GPCPD1: variants seen among roughly 807,000 people sequenced by gnomAD.
The protein encoded by GPCPD1 is glycerophosphocholine phosphodiesterase 1, also known as glycerophosphocholine phosphodiesterase GPCPD1.
A neutral mutation model predicts 89.2 loss-of-function variants in GPCPD1; 29 were observed. The ratio of observed to expected loss-of-function variants is 0.33; its 90% CI spans 0.24 to 0.44. GPCPD1 has a LOEUF of 0.44. Among genes scored for constraint, GPCPD1 ranks in the 20% least tolerant of loss-of-function variants. GPCPD1 has a pLI of 1.00. For missense variants in GPCPD1, 594 were observed against 808.9 expected, an observed-to-expected ratio of 0.73 and a Z score of 3.22; for synonymous variants, 258 against 266.3, an observed-to-expected ratio of 0.97 and a Z score of 0.30.
chr20:5,593,494 A>G, intron 3 of GPCPD1, 83 bp from the exon 4 acceptor site: 5 of 747,376 alleles, frequency 6.7e-6, no homozygotes, highest in South Asian at 4.5e-5. Flanking sequence ...AAACTCCTCA[A>G]ATAAAACGTA....
chr20:5,557,899 T>C (rs755978440), intron 19 of GPCPD1, 46 bp downstream of exon 19: 4 of 1,059,100 alleles, frequency 3.8e-6, no homozygotes, highest in Admixed American at 4.5e-5. Context: ...TAAGATGAAA[T>C]CTATACTTCT....
At chr20:5,583,622 T>C (rs1250108252) in intron 6 of GPCPD1, among the ~76,000 whole-genome samples, 3 of 152,222 alleles carry the variant, frequency 2.0e-5, no homozygotes, top group East Asian at 1.9e-4. Flanking sequence ...ATTTTCAACA[T>C]ATTCAGAAGT....
intron 15 of GPCPD1, among the ~76,000 whole-genome samples, chr20:5,564,313 A>G (rs1789895577): frequency 1.3e-5 from 2 of 151,696 alleles, no homozygotes; most frequent in African/African-American, 2.4e-5. Flanking sequence ...ACTAAGGAAC[A>G]GTTTAAAATA....
chr20:5,550,269 C>T (rs1261437623), intron 19 of GPCPD1, among the ~76,000 whole-genome samples: 2 of 128,182 alleles, frequency 1.6e-5, no homozygotes, highest in African/African-American at 2.8e-5. Context: ...ATTGAGAAAA[C>T]CTTTCAAATG....
At chr20:5,554,669 G>T (rs1207691928) in intron 19 of GPCPD1, among the ~76,000 whole-genome samples, 4 of 152,198 alleles carry the variant, frequency 2.6e-5, no homozygotes, top group Admixed American at 2.0e-4. Flanking sequence ...CTCTAACAGA[G>T]ATTGCTGCTT....
chr20:5,549,418 T>G (rs748122793), intron 19 of GPCPD1: 4 of 1,211,350 alleles, frequency 3.3e-6, no homozygotes, highest in Middle Eastern at 2.9e-4. Flanking sequence ...TGATTGGTTA[T>G]CAGTCCCATG....
chr20:5,594,066 T>C (rs992528492), intron 3 of GPCPD1, among the ~76,000 whole-genome samples: 1 of 152,232 alleles, frequency 6.6e-6, no homozygotes, highest in Non-Finnish European at 1.5e-5. Flanking sequence ...AAACTAAAGA[T>C]TTGACTCAAC....
At chr20:5,563,946 A>G (rs981749436) in intron 15 of GPCPD1, among the ~76,000 whole-genome samples, 10 of 152,208 alleles carry the variant, frequency 6.6e-5, no homozygotes, top group South Asian at 2.1e-4. Context: ...CATTAAGCTA[A>G]TAAGCTCCAC....
intron 14 of GPCPD1, among the ~76,000 whole-genome samples, chr20:5,566,149 A>G (rs1228094088): frequency 6.6e-6 from 1 of 152,230 alleles, no homozygotes; most frequent in Non-Finnish European, 1.5e-5. Flanking sequence ...ATAAACACCT[A>G]TATCTATAGT....
Position 5,546,384 on chromosome 20 carries a change from G to T in GPCPD1, c.*1277C>A, listed in dbSNP as rs1985026053. 1 of 151,946 alleles carries T rather than the reference G, an allele frequency of 6.6e-6. No individual in the cohort carries two copies. The highest frequency in any genetic ancestry group is 6.5e-5 in the Admixed American group (1 of 15,270). 9.4% of individuals were successfully genotyped at this position (151,946 alleles called of 1,614,324 possible). A position where few individuals can be genotyped will look rare whatever the true frequency, so the allele number is the denominator to read the frequency against. Reference sequence around the variant, plus strand: ...AGATGCAAATAAGCCATCCCTTTAGGGTAGACACTATATTAAAATTTCTTG... The same window carrying T: ...AGATGCAAATAAGCCATCCCTTTAGTGTAGACACTATATTAAAATTTCTTG... On this transcript the variant is annotated 3_prime_UTR_variant, in exon 20 of 20. Transcript: ENST00000379019.
intron 2 of GPCPD1, among the ~76,000 whole-genome samples, chr20:5,600,294 G>A (rs1568678783): frequency 6.6e-6 from 1 of 152,254 alleles, no homozygotes; most frequent in Non-Finnish European, 1.5e-5. Context: ...AGTGGCCCAT[G>A]CCTGTAATCC....
intron 19 of GPCPD1, among the ~76,000 whole-genome samples, chr20:5,555,480 A>G (rs1422020124): frequency 6.6e-6 from 1 of 152,244 alleles, no homozygotes; most frequent in African/African-American, 2.4e-5. Context: ...CGGAGGTTGC[A>G]GTGAGCCGAG....
intron 12 of GPCPD1, chr20:5,567,882 C>T (rs1986483700): frequency 4.9e-6 from 1 of 202,744 alleles, no homozygotes; most frequent in Non-Finnish European, 9.9e-6. Context: ...CCCCTACTTC[C>T]TGTTATGCTG....
intron 1 of GPCPD1, among the ~76,000 whole-genome samples, chr20:5,606,505 C>T (rs1980593973): frequency 6.6e-6 from 1 of 152,194 alleles, no homozygotes; most frequent in South Asian, 2.1e-4. Flanking sequence ...ATGAACACTG[C>T]TACACACAAT....
chr20:5,594,879 C>T (rs1479662032), intron 3 of GPCPD1, among the ~76,000 whole-genome samples: 2 of 152,232 alleles, frequency 1.3e-5, no homozygotes, highest in Non-Finnish European at 2.9e-5. Flanking sequence ...CATGTGCTTA[C>T]TTCGTGTCTA....
At chr20:5,578,265 T>C (rs952996163) in intron 8 of GPCPD1, 115 bp downstream of exon 8, 34 of 675,206 alleles carry the variant, frequency 5.0e-5, no homozygotes, top group Middle Eastern at 7.9e-4. Flanking sequence ...CAGAAGAGCA[T>C]ACCTCTAAAA....
chr20:5,549,471 T>C, intron 19 of GPCPD1: 1 of 1,212,834 alleles, frequency 8.2e-7, no homozygotes, highest in Non-Finnish European at 1.2e-6. Flanking sequence ...AAAAATAGGT[T>C]TGTTGTTTAA....
At chr20:5,604,330 T>A (rs1396214925) in intron 2 of GPCPD1, 34 bp downstream of exon 2, 9 of 1,067,618 alleles carry the variant, frequency 8.4e-6, no homozygotes, top group Admixed American at 4.0e-5. Flanking sequence ...GCTAATTTAA[T>A]TTTAATTGTT....
At chr20:5,565,152 T>C (rs1452443706) in intron 14 of GPCPD1, 74 bp from the exon 15 acceptor site, 2 of 796,036 alleles carry the variant, frequency 2.5e-6, no homozygotes, top group Admixed American at 3.8e-5. Flanking sequence ...AAATCCTTAG[T>C]GCCAAAAAAA....
Sources: allele counts gnomAD v4.1 joint callset (sites outside exome capture counted in the v4.1 genomes callset), GRCh38; gene constraint gnomAD v4.1.1; transcripts MANE v1.5; gene names NCBI Gene and HGNC (gene_info 2026-07-23, HGNC 2026-07-21).